ATG10: variants seen among roughly 807,000 people sequenced by gnomAD.
ATG10 encodes the protein autophagy related 10.
A neutral mutation model predicts 32.1 loss-of-function variants in ATG10; 30 were observed. The ratio of observed to expected loss-of-function variants is 0.94; its 90% CI spans 0.70 to 1.27. The LOEUF (loss-of-function observed/expected upper bound fraction) is 1.27. Among genes scored for constraint, ATG10 ranks in the 50% most tolerant of loss-of-function variants. The probability of loss-of-function intolerance (pLI) is 0.00; values close to 1 mark genes in which losing one functional copy is unlikely to be tolerated. For missense variants in ATG10, 233 were observed against 262.3 expected (o/e 0.89, Z 0.77); for synonymous variants, 87 against 91.5 (o/e 0.95, Z 0.28).
chr5:81,980,857 G>A (rs990800274), intron 1 of ATG10, among the ~76,000 whole-genome samples: 15 of 152,032 alleles, frequency 9.9e-5, no homozygotes, highest in Admixed American at 6.6e-5. Flanking sequence ...GGAGGGGAGG[G>A]GCAACTCAGG....
At chr5:81,978,485 C>T (rs1208325804) in intron 1 of ATG10, among the ~76,000 whole-genome samples, 1 of 152,152 alleles carries the variant, frequency 6.6e-6, no homozygotes, top group South Asian at 2.1e-4. Context: ...AGTCCTACTA[C>T]CCACTGTTCA....
chr5:82,228,278 A>G (rs890890038), intron 5 of ATG10, among the ~76,000 whole-genome samples: 2 of 152,032 alleles, frequency 1.3e-5, no homozygotes, highest in Non-Finnish European at 2.9e-5. Context: ...TTAACTCATG[A>G]TTTCCAAAAA....
intron 3 of ATG10, among the ~76,000 whole-genome samples, chr5:82,122,362 T>C (rs1484647570): frequency 2.0e-5 from 3 of 152,050 alleles, no homozygotes; most frequent in Admixed American, 6.6e-5. Context: ...AAAAATCGAC[T>C]CACGGTGGAT....
rs1278682784 is a variant in ATG10 at position 82,102,011 on chromosome 5, G to A, written c.216+43409G>A. Among the ~76,000 whole-genome samples the A allele has an allele frequency of 5.9e-5, 9 of 152,176 alleles. No individual in the cohort carries two copies. In the East Asian group the frequency reaches 1.7e-3, roughly 29 times the overall value. On this transcript the variant is annotated intron_variant, in intron 3 of 7. Coordinates refer to ENST00000282185, the MANE Select transcript of ATG10 (RefSeq NM_031482.5). ...GAAGGCACTGTTGAAATAAGATTCTGTGGACACATACTGACTTCACACACT... is the reference window on the plus strand; with the variant it reads ...GAAGGCACTGTTGAAATAAGATTCTATGGACACATACTGACTTCACACACT...
At position 82,119,984 on chromosome 5, in the gene ATG10, T is replaced by TTGTGTG. The variant is rs5869106; in HGVS notation, c.217-44385_217-44380dup. ...TTTGGCTGTAGGAGTCCACCATTTATTGTGTGTGTGTGTGTGTGTGTGTGT... is the reference window on the plus strand; with the variant it reads ...TTTGGCTGTAGGAGTCCACCATTTATTGTGTGTGTGTGTGTGTGTGTGTGTGTGTGT... On this transcript the variant is annotated intron_variant, in intron 3 of 7. Coordinates refer to ENST00000282185, the MANE Select transcript of ATG10 (RefSeq NM_031482.5). Among the ~76,000 whole-genome samples the TTGTGTG allele has an allele frequency of 9.8e-4, 145 of 148,294 alleles. 1 individual carries two copies. Among genetic ancestry groups the TTGTGTG allele is most frequent in the East Asian group, 6.6e-3 (33 of 4,994 alleles).
chr5:82,048,850 A>G (rs1763308265), intron 2 of ATG10, among the ~76,000 whole-genome samples: 1 of 152,208 alleles, frequency 6.6e-6, no homozygotes, highest in Admixed American at 6.5e-5. Context: ...ACAGTGAGAT[A>G]CCATCTCACA....
chr5:82,083,442 C>T (rs895675713), intron 3 of ATG10, among the ~76,000 whole-genome samples: 1 of 152,212 alleles, frequency 6.6e-6, no homozygotes. Context: ...GAAACTTGTG[C>T]AGACTTAAAC....
chr5:82,080,745 A>G (rs9687047), intron 3 of ATG10, among the ~76,000 whole-genome samples: 5,883 of 152,242 alleles, frequency 0.039, 397 homozygotes, highest in African/African-American at 0.13. Flanking sequence ...TACCAGTACC[A>G]TGCTGTTTTG....
chr5:82,108,821 G>A (rs762802023), intron 3 of ATG10, among the ~76,000 whole-genome samples: 4 of 152,006 alleles, frequency 2.6e-5, no homozygotes, highest in African/African-American at 4.8e-5. Context: ...CCAGGAAGCA[G>A]GAATGGTGTT....
At chr5:82,164,220 A>C (rs929759198) in intron 3 of ATG10, among the ~76,000 whole-genome samples, 179 bp from the exon 4 acceptor site, 6 of 152,056 alleles carry the variant, frequency 3.9e-5, no homozygotes, top group Non-Finnish European at 7.4e-5. Context: ...TTCTGGTTTT[A>C]CTATTTACCC....
chr5:81,987,220 T>A (rs1029751670), intron 1 of ATG10, among the ~76,000 whole-genome samples: 9 of 152,200 alleles, frequency 5.9e-5, no homozygotes, highest in African/African-American at 1.9e-4. Flanking sequence ...ACTCCTGGTC[T>A]CAAGTGATCC....
At chr5:82,045,342 A>G (rs1355504816) in intron 2 of ATG10, among the ~76,000 whole-genome samples, 1 of 152,152 alleles carries the variant, frequency 6.6e-6, no homozygotes, top group Non-Finnish European at 1.5e-5. Flanking sequence ...GTGATCATAT[A>G]TATATATGAT....
chr5:82,210,899 G>A (rs1745468530), intron 5 of ATG10, among the ~76,000 whole-genome samples: 1 of 152,132 alleles, frequency 6.6e-6, no homozygotes, highest in Admixed American at 6.6e-5. Flanking sequence ...TTGGAGGCAG[G>A]GAGAGTTAAT....
Position 82,058,570 on chromosome 5 carries a change from T to C in ATG10, c.184T>C (p.Ser62Pro), listed in dbSNP as rs3734114. ...NGSVMSHLGA[S>P]THGQTCLPME... ...GTCTGTGATGTCACATCTAGGAGCA[T>C]CTACCCATGGACAGACATGTCTTCC... The change falls in exon 3 of 8, where the codon TCT becomes CCT. Residue 62 changes from serine (S) to proline (P), a missense_variant. Transcript: ENST00000282185. The C allele has an allele frequency of 0.2, 320,489 of 1,610,556 alleles. 34,675 individuals carry two copies. Among genetic ancestry groups the C allele is most frequent in the South Asian group, 0.37 (33,232 of 90,724 alleles).
chr5:82,092,235 T>C (rs538306834), intron 3 of ATG10, among the ~76,000 whole-genome samples: 121 of 152,300 alleles, frequency 7.9e-4, no homozygotes, highest in African/African-American at 2.9e-3. Context: ...ACTATTTGGA[T>C]AAACAAGATT....
chr5:82,125,471 C>T (rs1038353623), intron 3 of ATG10, among the ~76,000 whole-genome samples: 1 of 152,066 alleles, frequency 6.6e-6, no homozygotes, highest in Admixed American at 6.6e-5. Context: ...GGAAAGTGTC[C>T]AGTTTCAGTT....
intron 2 of ATG10, among the ~76,000 whole-genome samples, chr5:82,021,322 A>G (rs568068222): frequency 1.3e-5 from 2 of 152,266 alleles, no homozygotes; most frequent in East Asian, 3.9e-4. Flanking sequence ...CTTTTATTAT[A>G]TAGTCATCCC....
intron 4 of ATG10, among the ~76,000 whole-genome samples, chr5:82,176,126 A>G (rs1298158355): frequency 6.6e-6 from 1 of 152,232 alleles, no homozygotes; most frequent in Non-Finnish European, 1.5e-5. Flanking sequence ...TGATTACCAG[A>G]TATGAAACCC....
At chr5:82,252,721 A>T (rs142883018) in intron 6 of ATG10, 62 bp downstream of exon 6, 6 of 951,784 alleles carry the variant, frequency 6.3e-6, no homozygotes, top group Non-Finnish European at 9.8e-6. Flanking sequence ...AAATCTTTTT[A>T]TGTGACTCTA....
Sources: allele counts gnomAD v4.1 joint callset (sites outside exome capture counted in the v4.1 genomes callset), GRCh38; gene constraint gnomAD v4.1.1; transcripts MANE v1.5; gene names NCBI Gene and HGNC (gene_info 2026-07-23, HGNC 2026-07-21).